AGAP1: variants seen among roughly 807,000 people sequenced by gnomAD.
The protein encoded by AGAP1 is ArfGAP with GTPase domain, ankyrin repeat and PH domain 1, also known as arf-GAP with GTPase, ANK repeat and PH domain-containing protein 1.
A neutral mutation model predicts 105.3 loss-of-function variants in AGAP1; 29 were observed. The ratio of observed to expected loss-of-function variants is 0.28; its 90% confidence interval spans 0.21 to 0.38. The LOEUF is 0.38. AGAP1 is among the 10% of genes least tolerant of loss of function. The pLI is 1.00. For synonymous variants in AGAP1, 509 were observed against 485.9 expected (o/e 1.05, Z -0.63); for missense variants, 998 against 1,165.1 (o/e 0.86, Z 2.09).
chr2:235,717,478 T>TA lies in AGAP1; in HGVS notation c.223-78dup, dbSNP rs373840487. 1.9e-3 allele frequency: 2,317 copies of TA among 1,225,966 alleles called. 34 individuals are homozygous for TA. In the African/African-American group the frequency reaches 0.032, roughly 17 times the overall value. The allele number at this position is 1,225,966 out of a possible 1,614,324, so 75.9% of individuals were successfully genotyped here. A position where few individuals can be genotyped will look rare whatever the true frequency, so the allele number is the denominator to read the frequency against. ...TATGTTTGTGTTTAGGCCTCCTGTC[T>TA]ATTTTAGCCTCTTAGTATTTGCAAA... On this transcript the variant is annotated intron_variant, in intron 2 of 17. Transcript: ENST00000304032.
chr2:235,921,408 G>C (rs528735802), intron 11 of AGAP1, among the ~76,000 whole-genome samples: 1 of 152,312 alleles, frequency 6.6e-6, no homozygotes, highest in South Asian at 2.1e-4. Context: ...GATTTTGGTG[G>C]ATTTAGTTTA....
chr2:236,025,112 A>G (rs974116992), intron 13 of AGAP1, among the ~76,000 whole-genome samples: 3 of 152,240 alleles, frequency 2.0e-5, no homozygotes, highest in African/African-American at 7.2e-5. Flanking sequence ...ATATACCATC[A>G]GGAGCTTCTA....
At chr2:235,684,630 G>C (rs1949282375) in intron 1 of AGAP1, among the ~76,000 whole-genome samples, 1 of 151,918 alleles carries the variant, frequency 6.6e-6, no homozygotes, top group Non-Finnish European at 1.5e-5. Context: ...CTTGGAGTGT[G>C]GATCCATACA....
At position 235,797,665 on chromosome 2, in the gene AGAP1, TAAC is replaced by T. The variant is rs1957304575; in HGVS notation, c.674-92_674-90del. On this transcript the variant is annotated intron_variant, in intron 6 of 17. Coordinates refer to ENST00000304032, the MANE Select transcript of AGAP1 (RefSeq NM_001037131.3). Reference sequence around the variant, plus strand: ...ATGCTATTACTGCGAAAGAAGGAAATAACAGATTTCGACAACAGACTGATGATC... The same window carrying T: ...ATGCTATTACTGCGAAAGAAGGAAATAGATTTCGACAACAGACTGATGATC... 6 of 1,490,576 alleles carry T rather than the reference TAAC, an allele frequency of 4.0e-6. No individual in the cohort carries two copies. In the African/African-American group the frequency reaches 8.3e-5, roughly 21 times the overall value. 92.3% of individuals were successfully genotyped at this position (1,490,576 alleles called of 1,614,324 possible). A position where few individuals can be genotyped will look rare whatever the true frequency, so the allele number is the denominator to read the frequency against.
intron 15 of AGAP1, among the ~76,000 whole-genome samples, chr2:236,048,101 T>A (rs2057777101): frequency 6.6e-6 from 1 of 152,220 alleles, no homozygotes. Context: ...ACTCTTCAGG[T>A]GTGTCCAGAG....
In AGAP1 at chr2:236,124,427, G is replaced by T. The variant is rs2059971580; in HGVS notation, c.*305G>T. 6 of 411,540 alleles carry T rather than the reference G, an allele frequency of 1.5e-5. No individual in the cohort carries two copies. In the South Asian group the frequency reaches 1.8e-4, roughly 12 times the overall value. 25.5% of individuals were successfully genotyped at this position (411,540 alleles called of 1,614,324 possible). A position where few individuals can be genotyped will look rare whatever the true frequency, so the allele number is the denominator to read the frequency against. On this transcript the variant is annotated 3_prime_UTR_variant, in exon 18 of 18. Coordinates refer to ENST00000304032, the MANE Select transcript of AGAP1 (RefSeq NM_001037131.3). This position sits in a 1 kb window ranked among gnomAD's most constrained non-coding sequence, Gnocchi z 5.1. ...GCACATGGCGCAGGACCCTTGTCCT[G>T]GTGGCACAAGGGATGGGGACGCGAG...
In AGAP1 at chr2:235,750,263, A is replaced by G. The variant is rs1179316438; in HGVS notation, c.539-91A>G. 1.9e-6 allele frequency: 3 copies of G among 1,547,582 alleles called. No individual in the cohort carries two copies. The highest frequency in any genetic ancestry group is 2.3e-5 in the East Asian group (1 of 43,982). On this transcript the variant is annotated intron_variant, in intron 5 of 17. Coordinates refer to ENST00000304032, the MANE Select transcript of AGAP1 (RefSeq NM_001037131.3). This position sits in a 1 kb window ranked among gnomAD's most constrained non-coding sequence, Gnocchi z 5.3. Reference sequence around the variant, plus strand: ...TAAACTAATTACATTTCTGCTGAGTAAGGTACTGGTTTTCCGTGTTGTGGG... The same window carrying G: ...TAAACTAATTACATTTCTGCTGAGTGAGGTACTGGTTTTCCGTGTTGTGGG...
chr2:235,592,532 T>G (rs936637516), intron 1 of AGAP1, among the ~76,000 whole-genome samples: 1 of 152,134 alleles, frequency 6.6e-6, no homozygotes, highest in African/African-American at 2.4e-5. Flanking sequence ...GCTTGTGGCA[T>G]GAGCTCTTGG....
At chr2:235,589,187 T>C (rs1945232401) in intron 1 of AGAP1, among the ~76,000 whole-genome samples, 1 of 73,826 alleles carries the variant, frequency 1.4e-5, no homozygotes, top group African/African-American at 7.2e-5. Flanking sequence ...TAATAGCTTA[T>C]TGTTTTGTTT....
intron 13 of AGAP1, among the ~76,000 whole-genome samples, chr2:236,021,687 G>A (rs1008620879): frequency 2.0e-5 from 3 of 152,108 alleles, no homozygotes; most frequent in Admixed American, 6.5e-5. Context: ...CTGCTGTATC[G>A]CAAGATGTTT....
intron 13 of AGAP1, among the ~76,000 whole-genome samples, chr2:236,011,048 A>G (rs1196752006): frequency 6.6e-6 from 1 of 152,174 alleles, no homozygotes; most frequent in East Asian, 1.9e-4. Context: ...ACTCCATCTC[A>G]AAAAAATGAA....
intron 13 of AGAP1, among the ~76,000 whole-genome samples, chr2:236,021,070 A>G (rs1007126654): frequency 4.0e-5 from 6 of 151,640 alleles, no homozygotes; most frequent in Non-Finnish European, 8.8e-5. Context: ...AGAGGCTGAC[A>G]CACAAGAATC....
rs914407672 is a variant in AGAP1 at position 235,982,418 on chromosome 2, G to C, written c.1645+13795G>C. On this transcript the variant is annotated intron_variant, in intron 13 of 17. Transcript: ENST00000304032. This position sits in a 1 kb window ranked among gnomAD's most constrained non-coding sequence, Gnocchi z 4.9. ...CACACCGTGGGGACATCAGCTGGGA[G>C]GGTCATAGCTAGGAGGTCAGAAGGA... 1.3e-5 allele frequency among the ~76,000 whole-genome samples: 2 copies of C among 152,182 alleles called. No homozygotes were observed. The highest frequency in any genetic ancestry group is 6.5e-5 in the Admixed American group (1 of 15,278).
chr2:235,519,721 C>T (rs915475923), intron 1 of AGAP1, among the ~76,000 whole-genome samples: 2 of 152,192 alleles, frequency 1.3e-5, no homozygotes, highest in African/African-American at 4.8e-5. Context: ...TGTGTACCCT[C>T]AACCAGCTTC....
rs796354098 is a variant in AGAP1, at chr2:236,120,264, G to T, written c.2187G>T (p.Glu729Asp). ...KLFLAPLPCT[E>D]LSLGQHLLRA... ...TCCTGGCCCCGCTGCCCTGCACGGA[G>T]CTGTCCCTGGGCCAGCACCTGCTGC... is the stretch of plus-strand genomic sequence containing the variant. The change falls in exon 17 of 18, where the codon GAG (glutamate) becomes GAT (aspartate). Residue 729 changes from glutamate to aspartate, a missense_variant. Coordinates refer to ENST00000304032, the MANE Select transcript of AGAP1 (RefSeq NM_001037131.3). The surrounding 1 kb of genome is among the most constrained non-coding windows in gnomAD (Gnocchi z 6.0). 2.5e-6 allele frequency: 4 copies of T among 1,613,400 alleles called. No homozygotes were observed. In the African/African-American group the frequency reaches 5.3e-5, roughly 21 times the overall value.
Position 235,989,350 on chromosome 2 carries a change from T to A in AGAP1, c.1645+20727T>A, listed in dbSNP as rs983064635. On this transcript the variant is annotated intron_variant, in intron 13 of 17. Transcript: ENST00000304032. The surrounding 1 kb of genome is among the most constrained non-coding windows in gnomAD (Gnocchi z 4.4). The stretch of plus-strand genomic sequence containing the variant: ...CACAATGTCCTGAATGAAAACCTAG[T>A]TCCTAAGCCCTTCCCCCAACTGGAA... Among the ~76,000 whole-genome samples the A allele has an allele frequency of 6.6e-6, 1 of 152,188 alleles. No homozygotes were observed. Among genetic ancestry groups the A allele is most frequent in the African/African-American group, 2.4e-5 (1 of 41,458 alleles).
intron 9 of AGAP1, among the ~76,000 whole-genome samples, chr2:235,871,750 A>C (rs2049453858): frequency 1.3e-5 from 2 of 152,198 alleles, no homozygotes; most frequent in South Asian, 4.1e-4. Flanking sequence ...AGCAGGGCTG[A>C]CTTATCTGTC....
At chr2:236,098,252 G>A (rs1040666939) in intron 16 of AGAP1, among the ~76,000 whole-genome samples, 8 of 152,048 alleles carry the variant, frequency 5.3e-5, no homozygotes, top group African/African-American at 2.4e-5. Context: ...CCGTCATACC[G>A]GTTTTTCAGA....
Position 235,645,076 on chromosome 2 carries a change from A to G in AGAP1, c.164-64103A>G, listed in dbSNP as rs551826819. On this transcript the variant is annotated intron_variant, in intron 1 of 17. Transcript: ENST00000304032. ...ATGCCCGGCTAATTTTTGTATTTTT[A>G]GTAGAGACAGGGTTTTACCATGTTG... 3.4e-4 allele frequency among the ~76,000 whole-genome samples: 52 copies of G among 152,126 alleles called. No individual in the cohort carries two copies. In the South Asian group the frequency reaches 0.01, roughly 30 times the overall value.
Sources: allele counts gnomAD v4.1 joint callset (sites outside exome capture counted in the v4.1 genomes callset), GRCh38; gene constraint gnomAD v4.1.1; non-coding constraint Gnocchi (gnomAD v3.1); transcripts MANE v1.5; gene names NCBI Gene and HGNC (gene_info 2026-07-23, HGNC 2026-07-21).